The following CFAP410 variants were observed in gnomAD, a reference collection of about 807,000 sequenced individuals.
The protein encoded by CFAP410 is cilia- and flagella-associated protein 410.
CFAP410 carries 27 observed loss-of-function variants against 25.7 expected under a neutral mutation model. The observed-to-expected ratio is 1.05, with a 90% confidence interval of 0.77 to 1.45. The LOEUF is 1.45. Among genes scored for constraint, CFAP410 ranks in the 40% most tolerant of loss-of-function variants. CFAP410 has a pLI of 0.00. For missense variants in CFAP410, 428 were observed against 354.1 expected (o/e 1.21, Z -1.67); for synonymous variants, 178 against 158.4 (o/e 1.12, Z -0.93).
In CFAP410 at chr21:44,334,118, G is replaced by A. The variant is rs548723906; in HGVS notation, c.144-856C>T. On this transcript the variant is annotated intron_variant, in intron 3 of 6. Transcript: ENST00000339818. ...CAGGATGGGGTCTGCCTCAGGCACA[G>A]GCAGCAGCGTGATGTACCGACCGCG... 14 of 456,318 alleles carry A rather than the reference G, an allele frequency of 3.1e-5. No homozygotes were observed. In the East Asian group the frequency reaches 6.3e-4, roughly 20 times the overall value. The allele number at this position is 456,318 out of a possible 1,614,324, so 28.3% of individuals were successfully genotyped here. A position where few individuals can be genotyped will look rare whatever the true frequency, so the allele number is the denominator to read the frequency against.
At position 44,329,476 on chromosome 21, in the gene CFAP410, A is replaced by G. The variant is rs1221080684; in HGVS notation, c.*722T>C. 2.0e-5 allele frequency: 3 copies of G among 152,192 alleles called. No homozygotes were observed. Among genetic ancestry groups the G allele is most frequent in the Non-Finnish European group, 2.9e-5 (2 of 68,078 alleles). 9.4% of individuals were successfully genotyped at this position (152,192 alleles called of 1,614,324 possible). ...TAAGACTTGCGACTCTTCCCAGAGG[A>G]AAGAAAACCCCTCTCAGATGCTCCA... On this transcript the variant is annotated 3_prime_UTR_variant, in exon 7 of 7. Coordinates refer to ENST00000339818, the MANE Select transcript of CFAP410 (RefSeq NM_004928.3).
chr21:44,334,700 A>T, intron 3 of CFAP410: 1 of 244,520 alleles, frequency 4.1e-6, no homozygotes, highest in South Asian at 4.4e-5. Context: ...CAGCCAATAG[A>T]TGGGAGGGCT....
chr21:44,336,129 G>A (rs1244081193), intron 2 of CFAP410, among the ~76,000 whole-genome samples: 2 of 150,612 alleles, frequency 1.3e-5, no homozygotes, highest in African/African-American at 2.4e-5. Flanking sequence ...GGCCTGAGGG[G>A]AGCGGCCCTG....
intron 5 of CFAP410, 43 bp from the exon 6 acceptor site, chr21:44,330,962 G>A: frequency 6.7e-7 from 1 of 1,492,466 alleles, no homozygotes; most frequent in Admixed American, 2.0e-5. Context: ...GGGGCTCGTG[G>A]CACCGGGGGG....
At chr21:44,330,447 C>T (rs575300671) in intron 6 of CFAP410, 121 bp from the exon 7 acceptor site, 83 of 1,537,648 alleles carry the variant, frequency 5.4e-5, no homozygotes, top group Non-Finnish European at 6.9e-5. Flanking sequence ...GGGTGTGGGC[C>T]GTCCAAGTGA....
At chr21:44,335,050 C>G (rs1348848908) in intron 3 of CFAP410, 1 of 153,452 alleles carries the variant, frequency 6.5e-6, no homozygotes, top group Non-Finnish European at 1.4e-5. Flanking sequence ...GGGTTTAAAC[C>G]CTTGTGAGCT....
Position 44,330,064 on chromosome 21 carries a change from G to T in CFAP410, c.*134C>A. The T allele has an allele frequency of 9.5e-7, 1 of 1,049,056 alleles. No individual in the cohort carries two copies. Among genetic ancestry groups the T allele is most frequent in the Non-Finnish European group, 1.4e-6 (1 of 730,264 alleles). The allele number at this position is 1,049,056 out of a possible 1,614,324, so 65.0% of individuals were successfully genotyped here. Reference sequence around the variant, plus strand: ...GTACCTAACACCCACTCCTGCCCTCGGCCGATGTGGCAAACCGGGGAGGCT... The same window carrying T: ...GTACCTAACACCCACTCCTGCCCTCTGCCGATGTGGCAAACCGGGGAGGCT... On this transcript the variant is annotated 3_prime_UTR_variant, in exon 7 of 7. Coordinates refer to ENST00000339818, the MANE Select transcript of CFAP410 (RefSeq NM_004928.3).
chr21:44,333,854 G>A (rs1447458914), intron 3 of CFAP410: 6 of 353,296 alleles, frequency 1.7e-5, no homozygotes, highest in Non-Finnish European at 2.8e-5. Flanking sequence ...GCGAACACGC[G>A]GAGCCGCTCC....
Position 44,336,079 on chromosome 21 carries a change from G to A in CFAP410, c.97-275C>T, listed in dbSNP as rs59053694. 9.8e-3 allele frequency among the ~76,000 whole-genome samples: 1,014 copies of A among 103,620 alleles called. 29 individuals carry two copies. Among genetic ancestry groups the A allele is most frequent in the African/African-American group, 0.038 (953 of 25,322 alleles). The allele number at this position is 103,620 out of a possible 152,430, so 68.0% of individuals were successfully genotyped here. A position where few individuals can be genotyped will look rare whatever the true frequency, so the allele number is the denominator to read the frequency against. ...GGTGAATGCCCAGGGCCTGAGGGGA[G>A]CGGCCCTGCTCAGCCAGTGTGCCCA... On this transcript the variant is annotated intron_variant, in intron 2 of 6. Coordinates refer to ENST00000339818, the MANE Select transcript of CFAP410 (RefSeq NM_004928.3).
chr21:44,338,169 T>C (rs969822213), intron 1 of CFAP410: 14 of 794,352 alleles, frequency 1.8e-5, no homozygotes, highest in Non-Finnish European at 2.4e-5. Flanking sequence ...ACGGGAATTG[T>C]AGCCAAAACA....
chr21:44,335,579 T>C (rs2047736021), intron 3 of CFAP410, 179 bp downstream of exon 3: 1 of 610,780 alleles, frequency 1.6e-6, no homozygotes, highest in Non-Finnish European at 2.9e-6. Flanking sequence ...GGGCTGAACA[T>C]GGGGGCCACA....
intron 2 of CFAP410, among the ~76,000 whole-genome samples, chr21:44,337,251 G>A (rs2047773895): frequency 6.6e-6 from 1 of 152,172 alleles, no homozygotes. Context: ...TGGGGCAGCG[G>A]CAAGGGGGTA....
At position 44,332,024 on chromosome 21, in the gene CFAP410, GAA is replaced by G; in HGVS notation, c.374-12_374-11del. ...TCCTCCTCCGTCACAGCTTTGGGAT[GAA>G]AGACAGAAGACAGCATGAGTGGCCT... On this transcript the variant is annotated splice_polypyrimidine_tract_variant and intron_variant, in intron 4 of 6. Transcript: ENST00000339818. 2 of 1,591,492 alleles carry G rather than the reference GAA, an allele frequency of 1.3e-6. No individual in the cohort carries two copies. Among genetic ancestry groups the G allele is most frequent in the Non-Finnish European group, 8.6e-7 (1 of 1,167,230 alleles).
chr21:44,330,454 G>A lies in CFAP410; in HGVS notation c.643-128C>T, dbSNP rs1046777086. The A allele has an allele frequency of 5.9e-6, 9 of 1,534,846 alleles. No individual in the cohort carries two copies. The African/African-American group carries it at 9.5e-5, about 16-fold the overall frequency. ...GGTCCCGGGGGTGTGGGCCGTCCAA[G>A]TGACTGACCGGCACACTCGGAGAAT... On this transcript the variant is annotated intron_variant, in intron 6 of 6. Transcript: ENST00000339818.
chr21:44,333,647 G>A, intron 3 of CFAP410: 1 of 323,736 alleles, frequency 3.1e-6, no homozygotes, highest in Non-Finnish European at 5.8e-6. Context: ...AAAACTCATG[G>A]CAAAAACTAG....
chr21:44,331,606 CCT>C (rs2047648742), intron 5 of CFAP410: 3 of 530,190 alleles, frequency 5.7e-6, no homozygotes, highest in African/African-American at 2.0e-5. Context: ...TGGCTCACCC[CCT>C]CTCCTGCTCC....
chr21:44,333,630 G>A (rs2047694313), intron 3 of CFAP410: 4 of 352,294 alleles, frequency 1.1e-5, no homozygotes, highest in South Asian at 4.3e-5. Context: ...AGCAGGGAGC[G>A]GCCAGAAAAA....
At chr21:44,335,612 C>T in intron 3 of CFAP410, 146 bp downstream of exon 3, 2 of 668,108 alleles carry the variant, frequency 3.0e-6, no homozygotes, top group Non-Finnish European at 5.3e-6. Flanking sequence ...CTCTCGCTGT[C>T]CCGGCCCCTC....
Position 44,335,507 on chromosome 21 carries a change from T to C in CFAP410, c.143+251A>G, listed in dbSNP as rs115209401. 1,080 of 576,566 alleles carry C rather than the reference T, an allele frequency of 1.9e-3. 10 individuals are homozygous for C. The highest frequency in any genetic ancestry group is 0.017 in the African/African-American group (912 of 53,220). 35.7% of individuals were successfully genotyped at this position (576,566 alleles called of 1,614,324 possible). On this transcript the variant is annotated intron_variant, in intron 3 of 6. Coordinates refer to ENST00000339818, the MANE Select transcript of CFAP410 (RefSeq NM_004928.3). ...CACACAGGCCAAGGGTGGGCAGGCG[T>C]ACAGCAGGGCAGGCAGGGGACAGGA...
Sources: allele counts gnomAD v4.1 joint callset (sites outside exome capture counted in the v4.1 genomes callset), GRCh38; gene constraint gnomAD v4.1.1; transcripts MANE v1.5; gene names NCBI Gene and HGNC (gene_info 2026-07-23, HGNC 2026-07-21).